ARHGEF26: variants seen among roughly 807,000 people sequenced by gnomAD.
ARHGEF26 encodes Rho guanine nucleotide exchange factor 26.
ARHGEF26 carries 59 observed loss-of-function variants against 89.4 expected under a neutral mutation model. The ratio of observed to expected loss-of-function variants is 0.66; its 90% CI spans 0.54 to 0.82. ARHGEF26 has a LOEUF of 0.82. Among genes scored for constraint, ARHGEF26 ranks in the 40% least tolerant of loss-of-function variants. ARHGEF26 has a pLI of 0.00. For synonymous variants in ARHGEF26, 500 were observed against 428.4 expected (o/e 1.17, Z -2.06); for missense variants, 1,234 against 1,085.6 (o/e 1.14, Z -1.92).
At chr3:154,235,992 T>G (rs1407320791) in intron 11 of ARHGEF26, among the ~76,000 whole-genome samples, 3 of 152,202 alleles carry the variant, frequency 2.0e-5, no homozygotes, top group African/African-American at 7.2e-5. Flanking sequence ...AGAATGAAAA[T>G]TCTAACCTTT....
At position 154,191,247 on chromosome 3, in the gene ARHGEF26, A is replaced by C. The variant is rs1323229484; in HGVS notation, c.1641-42A>C. 3 of 1,563,204 alleles carry C rather than the reference A, an allele frequency of 1.9e-6. No individual in the cohort carries two copies. In the South Asian group the frequency reaches 3.5e-5, roughly 18 times the overall value. On this transcript the variant is annotated intron_variant, in intron 7 of 14. Coordinates refer to ENST00000465093, the MANE Select transcript of ARHGEF26 (RefSeq NM_015595.4). ...TTTTTACTTGCTGCTTAATTTGAGG[A>C]GGAAATATTTTGAAGTTTCTCTTTT...
At chr3:154,176,582 A>G (rs1485202763) in intron 6 of ARHGEF26, among the ~76,000 whole-genome samples, 1 of 152,154 alleles carries the variant, frequency 6.6e-6, no homozygotes, top group Non-Finnish European at 1.5e-5. Context: ...GGGTCCAGGC[A>G]TTTAGGCTGG....
chr3:154,187,857 A>G lies in ARHGEF26; in HGVS notation c.1640+20A>G, dbSNP rs1459778443. The G allele has an allele frequency of 4.4e-6, 7 of 1,597,518 alleles. No homozygotes were observed. Among genetic ancestry groups the G allele is most frequent in the South Asian group, 2.3e-5 (2 of 87,958 alleles). On this transcript the variant is annotated intron_variant, in intron 7 of 14. Transcript: ENST00000465093. ...ATTGTTGTAAGCAATGTCGAATGCT[A>G]CAGTTTTAATCATCTAACCTAGTTT...
Position 154,152,829 on chromosome 3 carries a change from A to G in ARHGEF26, c.1384A>G (p.Ile462Val). Residue 462 changes from isoleucine (I) to valine (V), a missense_variant, in exon 6 of 15, where the codon ATA (isoleucine) becomes GTA (valine). Physicochemically the swap from Ile to Val is conservative, Grantham distance 29. Transcript: ENST00000465093. ...ATATTTACTCAGCTTGGAGATCTTGATACGAATGTTTAAAAATTCTAAAGA... is the reference window on the plus strand; with the variant it reads ...ATATTTACTCAGCTTGGAGATCTTGGTACGAATGTTTAAAAATTCTAAAGA... ...HSYLLSLEIL[I>V]RMFKNSKELS... The G allele has an allele frequency of 3.8e-6, 6 of 1,573,580 alleles. No homozygotes were observed. Among genetic ancestry groups the G allele is most frequent in the Non-Finnish European group, 4.3e-6 (5 of 1,158,314 alleles).
intron 1 of ARHGEF26, 86 bp from the exon 2 acceptor site, chr3:154,121,856 G>C: frequency 2.4e-6 from 3 of 1,237,860 alleles, no homozygotes; most frequent in African/African-American, 1.5e-5. Context: ...GCAGCAGCAG[G>C]GGGACCGCCG....
chr3:154,189,733 T>C (rs1316204564), intron 7 of ARHGEF26, among the ~76,000 whole-genome samples: 4 of 152,080 alleles, frequency 2.6e-5, no homozygotes, highest in Non-Finnish European at 4.4e-5. Flanking sequence ...ATGTACACTG[T>C]CCAGAGTCCA....
Position 154,183,798 on chromosome 3 carries a change from T to C in ARHGEF26, c.1488-3887T>C, listed in dbSNP as rs577083552. Among the ~76,000 whole-genome samples, 6 of 152,310 alleles carry C rather than the reference T, an allele frequency of 3.9e-5. No individual in the cohort carries two copies. The South Asian group carries it at 1.2e-3, about 32-fold the overall frequency. On this transcript the variant is annotated intron_variant, in intron 6 of 14. Coordinates refer to ENST00000465093, the MANE Select transcript of ARHGEF26 (RefSeq NM_015595.4). ...TTGGCAAACCTTTCACAGTGATAAA[T>C]GAAATTTTCCTTTTCATTGGGAAAA...
At chr3:154,134,327 AG>A (rs927400192) in intron 4 of ARHGEF26, among the ~76,000 whole-genome samples, 1 of 152,166 alleles carries the variant, frequency 6.6e-6, no homozygotes, top group African/African-American at 2.4e-5. Context: ...ATGGGCTTAC[AG>A]TCCCCTGTGT....
intron 10 of ARHGEF26, among the ~76,000 whole-genome samples, chr3:154,219,913 C>CA (rs370411271): frequency 0.88 from 131,949 of 150,106 alleles, 57,977 homozygotes; most frequent in East Asian, 1. Flanking sequence ...GACTCCGTCT[C>CA]AAAAAAAACA....
chr3:154,128,537 C>T (rs562152714), intron 3 of ARHGEF26, among the ~76,000 whole-genome samples: 25 of 152,308 alleles, frequency 1.6e-4, no homozygotes, highest in East Asian at 7.7e-4. Flanking sequence ...CCATGCCCGC[C>T]GGCCTCAACT....
intron 11 of ARHGEF26, among the ~76,000 whole-genome samples, chr3:154,239,247 AC>A (rs1717304184): frequency 1.0e-5 from 1 of 95,882 alleles, no homozygotes; most frequent in South Asian, 4.8e-4. Context: ...GATGTAAATG[AC>A]CGAGAGAGAG....
intron 4 of ARHGEF26, among the ~76,000 whole-genome samples, chr3:154,138,463 A>G (rs1168260314): frequency 6.6e-6 from 1 of 152,156 alleles, no homozygotes; most frequent in Non-Finnish European, 1.5e-5. Flanking sequence ...GGAAAAAACT[A>G]CTCTGGTTGG....
At chr3:154,146,188 A>G (rs1013183216) in intron 4 of ARHGEF26, among the ~76,000 whole-genome samples, 2 of 152,232 alleles carry the variant, frequency 1.3e-5, no homozygotes, top group African/African-American at 4.8e-5. Context: ...TCTGGCACAT[A>G]GTGCCTTCTT....
intron 6 of ARHGEF26, among the ~76,000 whole-genome samples, chr3:154,163,628 CTCA>C (rs1294960930): frequency 1.3e-5 from 2 of 152,118 alleles, no homozygotes; most frequent in African/African-American, 2.4e-5. Flanking sequence ...AGATTTTTAT[CTCA>C]TATTTGAATG....
chr3:154,216,102 T>C (rs76134884), intron 9 of ARHGEF26, among the ~76,000 whole-genome samples: 1,636 of 152,232 alleles, frequency 0.011, 24 homozygotes, highest in African/African-American at 0.037. Flanking sequence ...TATGGCCTAT[T>C]TTATTTACTT....
At chr3:154,148,596 G>A (rs953265419) in intron 4 of ARHGEF26, among the ~76,000 whole-genome samples, 1 of 152,098 alleles carries the variant, frequency 6.6e-6, no homozygotes, top group African/African-American at 2.4e-5. Context: ...CATTTGGGTG[G>A]AGATGCCACT....
At chr3:154,129,802 T>A in intron 4 of ARHGEF26, 83 bp downstream of exon 4, 1 of 1,442,234 alleles carries the variant, frequency 6.9e-7, no homozygotes, top group Non-Finnish European at 9.3e-7. Flanking sequence ...TTTGTTCTTT[T>A]CTGCCAGTGA....
intron 11 of ARHGEF26, among the ~76,000 whole-genome samples, chr3:154,229,818 T>C (rs1716724919): frequency 6.6e-6 from 1 of 152,146 alleles, no homozygotes; most frequent in African/African-American, 2.4e-5. Context: ...TTTGGAGTAG[T>C]GAAGGTGTGA....
intron 3 of ARHGEF26, among the ~76,000 whole-genome samples, chr3:154,128,592 G>T (rs1302480710): frequency 2.0e-5 from 3 of 152,104 alleles, no homozygotes; most frequent in Non-Finnish European, 2.9e-5. Context: ...CTCCAGCCAT[G>T]CAGTCCTCCT....
Sources: allele counts gnomAD v4.1 joint callset (sites outside exome capture counted in the v4.1 genomes callset), GRCh38; gene constraint gnomAD v4.1.1; transcripts MANE v1.5; gene names NCBI Gene and HGNC (gene_info 2026-07-23, HGNC 2026-07-21).